The following LNPK variants were observed in gnomAD, a reference collection of about 807,000 sequenced individuals.
LNPK encodes lunapark, ER junction formation factor, also known as endoplasmic reticulum junction formation protein lunapark.
In LNPK, 29 loss-of-function variants were observed where a neutral mutation model predicts 55.2. The ratio of observed to expected loss-of-function variants is 0.53; its 90% CI spans 0.39 to 0.72. The LOEUF is 0.72. LNPK is among the 30% of genes least tolerant of loss of function. The pLI is 0.00. For missense variants in LNPK, 467 were observed against 494.8 expected, an observed-to-expected ratio of 0.94 and a Z score of 0.53; for synonymous variants, 162 against 168.2, an observed-to-expected ratio of 0.96 and a Z score of 0.29.
intron 5 of LNPK, among the ~76,000 whole-genome samples, chr2:175,979,358 A>T (rs1687062040): frequency 6.6e-6 from 1 of 152,164 alleles, no homozygotes; most frequent in Non-Finnish European, 1.5e-5. Context: ...CAGGAGTTCG[A>T]GACCAGCCTG....
chr2:175,963,185 C>T (rs1686142954), intron 8 of LNPK, among the ~76,000 whole-genome samples: 1 of 150,888 alleles, frequency 6.6e-6, no homozygotes, highest in African/African-American at 2.4e-5. Flanking sequence ...TACCATTTGA[C>T]CCAGCCATCC....
At chr2:175,931,892 G>A (rs2105512038) in intron 12 of LNPK, among the ~76,000 whole-genome samples, 1 of 152,294 alleles carries the variant, frequency 6.6e-6, no homozygotes, top group East Asian at 1.9e-4. Flanking sequence ...CCAATCATTT[G>A]TAATTCTACC....
In LNPK at chr2:175,929,458, C is replaced by G; in HGVS notation, c.*509G>C. On this transcript the variant is annotated 3_prime_UTR_variant, in exon 13 of 13. Transcript: ENST00000272748. Reference sequence around the variant, plus strand: ...ATTCGTACCAGTGCCTATGTGGTAACAACTTTCATACCGCTTAATGTAAAC... The same window carrying G: ...ATTCGTACCAGTGCCTATGTGGTAAGAACTTTCATACCGCTTAATGTAAAC... 1 of 986,882 alleles carries G rather than the reference C, an allele frequency of 1.0e-6. No individual in the cohort carries two copies. The highest frequency in any genetic ancestry group is 1.2e-6 in the Non-Finnish European group (1 of 830,748). The allele number at this position is 986,882 out of a possible 1,614,324, so 61.1% of individuals were successfully genotyped here.
intron 1 of LNPK, among the ~76,000 whole-genome samples, chr2:176,000,546 A>G (rs911477830): frequency 2.0e-5 from 3 of 152,222 alleles, no homozygotes; most frequent in African/African-American, 7.2e-5. Flanking sequence ...TATTTTTACA[A>G]AAATAGATTG....
chr2:175,983,472 T>C (rs556667755), intron 4 of LNPK, among the ~76,000 whole-genome samples: 1 of 152,258 alleles, frequency 6.6e-6, no homozygotes, highest in African/African-American at 2.4e-5. Context: ...AAAGTAAATG[T>C]ACCACAAAGT....
intron 10 of LNPK, among the ~76,000 whole-genome samples, chr2:175,939,083 T>C (rs768743762): frequency 1.3e-5 from 2 of 152,112 alleles, no homozygotes; most frequent in African/African-American, 4.8e-5. Flanking sequence ...TTTTTAAAAA[T>C]CTATACTTTG....
intron 8 of LNPK, among the ~76,000 whole-genome samples, chr2:175,952,601 G>C (rs548824246): frequency 2.0e-5 from 3 of 151,068 alleles, no homozygotes; most frequent in Admixed American, 6.6e-5. Flanking sequence ...ACCCTATTTC[G>C]CTATTCAAAT....
chr2:175,934,922 G>T (rs1684466666), intron 12 of LNPK, among the ~76,000 whole-genome samples: 1 of 151,756 alleles, frequency 6.6e-6, no homozygotes, highest in Non-Finnish European at 1.5e-5. Flanking sequence ...TTTCTTCTAG[G>T]TCTCCTCCTT....
chr2:175,941,849 A>C (rs1559031974), intron 9 of LNPK, among the ~76,000 whole-genome samples: 4 of 137,574 alleles, frequency 2.9e-5, no homozygotes, highest in South Asian at 2.6e-4. Flanking sequence ...AAAAAAAAAA[A>C]ACAAAAAAAA....
intron 1 of LNPK, among the ~76,000 whole-genome samples, chr2:175,997,740 A>AGTGTGTGTGTGT (rs1559079701): frequency 2.2e-3 from 117 of 52,902 alleles, no homozygotes; most frequent in African/African-American, 7.5e-3. Flanking sequence ...TGTGTGTATA[A>AGTGTGTGTGTGT]ATATAATTTT....
At chr2:175,935,755 C>T (rs926059819) in intron 12 of LNPK, 4 of 976,718 alleles carry the variant, frequency 4.1e-6, no homozygotes, top group Middle Eastern at 1.0e-3. Flanking sequence ...CCAGGAATTT[C>T]AGACAGAAAA....
chr2:175,983,743 C>T (rs1409318742), intron 4 of LNPK, among the ~76,000 whole-genome samples: 1 of 151,486 alleles, frequency 6.6e-6, no homozygotes, highest in Non-Finnish European at 1.5e-5. Context: ...GATCATAAAA[C>T]CCCAATGGTT....
chr2:175,970,048 C>T (rs965198869), intron 6 of LNPK, among the ~76,000 whole-genome samples: 22 of 152,104 alleles, frequency 1.4e-4, no homozygotes, highest in African/African-American at 4.3e-4. Context: ...TTATTAAATA[C>T]ATTTCTATAC....
At chr2:175,973,124 T>A (rs547322724) in intron 5 of LNPK, among the ~76,000 whole-genome samples, 1 of 152,210 alleles carries the variant, frequency 6.6e-6, no homozygotes, top group South Asian at 2.1e-4. Flanking sequence ...CATATATACA[T>A]TGTTTTGCCT....
chr2:175,961,937 T>A (rs1686053215), intron 8 of LNPK, among the ~76,000 whole-genome samples: 1 of 152,026 alleles, frequency 6.6e-6, no homozygotes, highest in Non-Finnish European at 1.5e-5. Flanking sequence ...AAATCATGAG[T>A]GAACTCCCAT....
chr2:175,947,421 T>C (rs2105563961), intron 9 of LNPK, 59 bp downstream of exon 9: 2 of 1,460,910 alleles, frequency 1.4e-6, no homozygotes, highest in South Asian at 2.4e-5. Context: ...AATGGCCCGT[T>C]TTATTGGTAA....
chr2:175,958,649 A>T (rs140943358), intron 8 of LNPK, among the ~76,000 whole-genome samples: 185 of 152,322 alleles, frequency 1.2e-3, no homozygotes, highest in African/African-American at 4.1e-3. Flanking sequence ...TCTAAAAACC[A>T]GAGCACCTCT....
At chr2:175,988,351 A>G (rs1559071864) in intron 4 of LNPK, among the ~76,000 whole-genome samples, 1 of 151,616 alleles carries the variant, frequency 6.6e-6, no homozygotes, top group South Asian at 2.1e-4. Context: ...AAAAAAAAAC[A>G]AAAAACAAAA....
At chr2:175,964,610 A>G (rs779404517) in intron 6 of LNPK, 21 bp from the exon 7 acceptor site, 1 of 1,361,620 alleles carries the variant, frequency 7.3e-7, no homozygotes, top group Non-Finnish European at 1.0e-6. Context: ...AAATTTCCAT[A>G]AATTGTCACA....
Sources: allele counts gnomAD v4.1 joint callset (sites outside exome capture counted in the v4.1 genomes callset), GRCh38; gene constraint gnomAD v4.1.1; transcripts MANE v1.5; gene names NCBI Gene and HGNC (gene_info 2026-07-23, HGNC 2026-07-21).